Variants in IWS1 observed in about 807,000 individuals in gnomAD.
The protein encoded by IWS1 is interacts with SUPT6H, CTD assembly factor 1.
IWS1 carries 27 observed loss-of-function variants against 86.7 expected under a neutral mutation model. The ratio of observed to expected loss-of-function variants is 0.31; its 90% CI spans 0.23 to 0.43. The LOEUF (loss-of-function observed/expected upper bound fraction) is 0.43, where lower values mean the gene tolerates loss of function less well. Ranked by LOEUF, IWS1 falls within the 20% of genes least tolerant of loss-of-function variation. The pLI, the probability that IWS1 is intolerant of heterozygous loss-of-function variation, is 1.00. For missense variants in IWS1, 827 were observed against 1,000.8 expected (o/e 0.83, Z 2.34); for synonymous variants, 313 against 335.1 (o/e 0.93, Z 0.72).
chr2:127,482,032 T>C (rs187389780), intron 13 of IWS1, among the ~76,000 whole-genome samples: 7 of 152,346 alleles, frequency 4.6e-5, no homozygotes, highest in Admixed American at 1.3e-4. Flanking sequence ...GAAACTGCCA[T>C]CTTTTAGAAA....
In IWS1 at chr2:127,486,596, T is replaced by C; in HGVS notation, c.2285A>G (p.Tyr762Cys). Residue 762 changes from tyrosine (Y) to cysteine (C), a missense_variant, in exon 13 of 14, where the codon TAT becomes TGT. Transcript: ENST00000295321. ...ARVPMPSNKD[Y>C]VVRPKWNVEM... ...CACATTCCATTTGGGCCTGACAACA[T>C]AGTCCTTGTTTGAAGGCATTGGGAC... 1.2e-6 allele frequency: 2 copies of C among 1,614,084 alleles called. No individual in the cohort carries two copies. The highest frequency in any genetic ancestry group is 1.7e-6 in the Non-Finnish European group (2 of 1,179,942).
intron 10 of IWS1, among the ~76,000 whole-genome samples, chr2:127,490,595 A>C (rs954657455): frequency 1.3e-5 from 2 of 152,188 alleles, no homozygotes; most frequent in Admixed American, 6.5e-5. Flanking sequence ...TATAGACCGA[A>C]CATGGGTGCT....
rs1296399329 is a variant in IWS1, at chr2:127,499,417, G to A, written c.1468-1180C>T. Among the ~76,000 whole-genome samples the A allele has an allele frequency of 6.6e-6, 1 of 152,076 alleles. No homozygotes were observed. Among genetic ancestry groups the A allele is most frequent in the Non-Finnish European group, 1.5e-5 (1 of 68,014 alleles). ...TTTTTCATTTTTATGTAAATGAAAT[G>A]GCCTGTCTTTTCTTTATAGTGTCTA... is the stretch of plus-strand genomic sequence containing the variant. On this transcript the variant is annotated intron_variant, in intron 5 of 13. Transcript: ENST00000295321. This position sits in a 1 kb window ranked among gnomAD's most constrained non-coding sequence, Gnocchi z 4.0.
At chr2:127,498,423 T>C (rs751614384) in intron 5 of IWS1, among the ~76,000 whole-genome samples, 186 bp from the exon 6 acceptor site, 1 of 152,198 alleles carries the variant, frequency 6.6e-6, no homozygotes, top group Non-Finnish European at 1.5e-5. Flanking sequence ...CTTCCAGAAA[T>C]AGTCTGTTTA....
chr2:127,484,250 T>C (rs1293336739), intron 13 of IWS1, among the ~76,000 whole-genome samples: 1 of 152,170 alleles, frequency 6.6e-6, no homozygotes, highest in Non-Finnish European at 1.5e-5. Context: ...AGGCAGAGCT[T>C]GCAGTGAGCA....
intron 13 of IWS1, chr2:127,483,080 T>C (rs887410660): frequency 3.3e-5 from 5 of 151,748 alleles, no homozygotes; most frequent in Non-Finnish European, 1.5e-5. Context: ...TCTATGCATA[T>C]GTATGAAAAA....
intron 1 of IWS1, 112 bp from the exon 2 acceptor site, chr2:127,523,903 A>G (rs1692245673): frequency 5.8e-6 from 4 of 694,238 alleles, no homozygotes; most frequent in Non-Finnish European, 1.0e-5. Flanking sequence ...CCACTGAGGA[A>G]GCATTAACTA....
At chr2:127,496,585 A>ACACACACACACACAC (rs1553434115) in intron 6 of IWS1, among the ~76,000 whole-genome samples, 1 of 149,928 alleles carries the variant, frequency 6.7e-6, no homozygotes, top group Non-Finnish European at 1.5e-5. Context: ...ACACACACAC[A>ACACACACACACACAC]TTTTTTAAAG....
At position 127,526,183 on chromosome 2, in the gene IWS1, T is replaced by C; in HGVS notation, c.26A>G (p.Asp9Gly). The change falls in exon 1 of 14, where the codon GAC becomes GGC. Residue 9 changes from aspartate (D) to glycine (G), a missense_variant. Physicochemically the swap from Asp to Gly is moderately conservative, Grantham distance 94. Coordinates refer to ENST00000295321, the MANE Select transcript of IWS1 (RefSeq NM_017969.3). ...CCAGGTCCCTGCCCCACCTGACTGG[T>C]CGCCGCTGTAATATTCCGAGTCCAT... MDSEYYSG[D>G]QSDDGGATPV... 1 of 1,598,286 alleles carries C rather than the reference T, an allele frequency of 6.3e-7. No homozygotes were observed. The highest frequency in any genetic ancestry group is 8.5e-7 in the Non-Finnish European group (1 of 1,172,900).
At chr2:127,506,836 G>A (rs1315380956) in intron 2 of IWS1, 3 of 163,166 alleles carry the variant, frequency 1.8e-5, no homozygotes, top group Non-Finnish European at 4.4e-5. Context: ...AACTTGATAT[G>A]TGCATATTAT....
chr2:127,517,320 A>G (rs1307384190), intron 2 of IWS1, among the ~76,000 whole-genome samples: 1 of 152,176 alleles, frequency 6.6e-6, no homozygotes, highest in African/African-American at 2.4e-5. Context: ...ACAAATTAGG[A>G]CTCATACTCT....
intron 2 of IWS1, among the ~76,000 whole-genome samples, chr2:127,523,102 G>T (rs1044622000): frequency 6.6e-6 from 1 of 152,076 alleles, no homozygotes; most frequent in Admixed American, 6.6e-5. Context: ...CCAGCTACTC[G>T]GGAGGCTATG....
chr2:127,521,501 C>G (rs1692092704), intron 2 of IWS1, among the ~76,000 whole-genome samples: 1 of 152,138 alleles, frequency 6.6e-6, no homozygotes, highest in South Asian at 2.1e-4. Flanking sequence ...TATAATTAAG[C>G]CAAAAACGCA....
chr2:127,508,488 G>C lies in IWS1; in HGVS notation c.151-2736C>G, dbSNP rs1055683185. Among the ~76,000 whole-genome samples the C allele has an allele frequency of 6.6e-5, 10 of 152,274 alleles. No homozygotes were observed. In the South Asian group the frequency reaches 1.2e-3, roughly 19 times the overall value. On this transcript the variant is annotated intron_variant, in intron 2 of 13. Transcript: ENST00000295321. ...GAGGCAAAAAGGAAAATTATAATTG[G>C]CTTTTGGAATGCTCTCCATGATATA...
rs372099795 is a variant in IWS1 at position 127,491,972 on chromosome 2, G to T, written c.2046C>A (p.Ile682=). 2.5e-6 allele frequency: 4 copies of T among 1,582,304 alleles called. No individual in the cohort carries two copies. The highest frequency in any genetic ancestry group is 1.1e-5 in the South Asian group (1 of 90,422). The change falls in exon 10 of 14, where the codon ATC becomes ATA. Residue 682 remains isoleucine (I), a splice_region_variant and synonymous_variant. Coordinates refer to ENST00000295321, the MANE Select transcript of IWS1 (RefSeq NM_017969.3). ...RSNKDMAGKL[I]NEWSRPIFGL... ...AAACAAAAAGGAAAATTTACATACT[G>T]ATTAATTTCCCTGCCATGTCCTTGT...
chr2:127,521,927 T>C (rs899599550), intron 2 of IWS1, among the ~76,000 whole-genome samples: 28 of 152,220 alleles, frequency 1.8e-4, no homozygotes, highest in African/African-American at 6.5e-4. Context: ...AAACTGACCA[T>C]GATTAATCTC....
At chr2:127,516,384 C>G (rs957286654) in intron 2 of IWS1, among the ~76,000 whole-genome samples, 2 of 151,996 alleles carry the variant, frequency 1.3e-5, no homozygotes, top group African/African-American at 4.8e-5. Flanking sequence ...AAGGAGAAAA[C>G]AGCTGAATAG....
rs56303014 is a variant in IWS1 at position 127,519,577 on chromosome 2, T to TA, written c.150+4098dup. ...AATTCTAAAATACAGATGAGGGGTT[T>TA]AAAAAAAAAAATACCATTATTGGGA... is the stretch of plus-strand genomic sequence containing the variant. On this transcript the variant is annotated intron_variant, in intron 2 of 13. Coordinates refer to ENST00000295321, the MANE Select transcript of IWS1 (RefSeq NM_017969.3). Among the ~76,000 whole-genome samples, 1,034 of 149,220 alleles carry TA rather than the reference T, an allele frequency of 6.9e-3. 13 individuals are homozygous for TA. The highest frequency in any genetic ancestry group is 0.023 in the African/African-American group (948 of 40,534).
chr2:127,513,954 A>G (rs1009792281), intron 2 of IWS1, among the ~76,000 whole-genome samples: 1 of 152,212 alleles, frequency 6.6e-6, no homozygotes, highest in South Asian at 2.1e-4. Context: ...CCCTGGTGAA[A>G]TGTGACCTTC....
Sources: gnomAD v4.1 joint callset for allele counts (sites outside exome capture counted in the v4.1 genomes callset) on GRCh38, gnomAD v4.1.1 for gene constraint, Gnocchi (gnomAD v3.1) non-coding constraint, MANE v1.5 for transcripts, NCBI Gene and HGNC (gene_info 2026-07-23, HGNC 2026-07-21) for gene names.